Variants in VAV2 observed in about 807,000 individuals in gnomAD.
The protein encoded by VAV2 is guanine nucleotide exchange factor VAV2.
A neutral mutation model predicts 132.5 loss-of-function variants in VAV2; 67 were observed. The ratio of observed to expected loss-of-function variants is 0.51; its 90% CI spans 0.42 to 0.62. VAV2 has a LOEUF of 0.62. VAV2 is among the 20% of genes least tolerant of loss of function. VAV2 has a pLI of 0.00. For missense variants in VAV2, 938 were observed against 1,153.6 expected (o/e 0.81, Z 2.71); for synonymous variants, 492 against 443.5 (o/e 1.11, Z -1.37).
intron 2 of VAV2, among the ~76,000 whole-genome samples, chr9:133,931,598 A>G (rs772836857): frequency 3.3e-5 from 5 of 152,196 alleles, no homozygotes; most frequent in Non-Finnish European, 5.9e-5. Context: ...GCACACTGTC[A>G]ATGGCAACTA....
rs373969403 is a variant in VAV2 at position 133,763,390 on chromosome 9, G to A, written c.*672C>T. 3.3e-5 allele frequency: 5 copies of A among 152,270 alleles called. 1 individual carries two copies. The highest frequency in any genetic ancestry group is 1.2e-4 in the African/African-American group (5 of 41,418). The allele number at this position is 152,270 out of a possible 1,614,324, so 9.4% of individuals were successfully genotyped here. ...ATCATTCCAAAGGCCCCTCCCAAGA[G>A]AGGGGCCTGCCGTGTGGGGTCCGGG... On this transcript the variant is annotated 3_prime_UTR_variant, in exon 30 of 30. Transcript: ENST00000371850. The surrounding 1 kb of genome is among the most constrained non-coding windows in gnomAD (Gnocchi z 6.8).
chr9:133,979,819 G>A (rs1277291745), intron 1 of VAV2, among the ~76,000 whole-genome samples: 1 of 152,218 alleles, frequency 6.6e-6, no homozygotes, highest in East Asian at 1.9e-4. Flanking sequence ...GGAAGGCGGC[G>A]CCAGCTGCGC....
chr9:133,914,754 GAGGAGA>G (rs1840005840), intron 2 of VAV2, among the ~76,000 whole-genome samples: 4 of 101,338 alleles, frequency 3.9e-5, no homozygotes, highest in South Asian at 4.9e-4. Flanking sequence ...GGGGAGGGGA[GAGGAGA>G]GGAGGGGAGG....
intron 5 of VAV2, among the ~76,000 whole-genome samples, chr9:133,810,645 G>T (rs913840839): frequency 6.6e-6 from 1 of 152,358 alleles, no homozygotes; most frequent in Admixed American, 6.5e-5. Flanking sequence ...TGAGGACACT[G>T]TGCAGAGCGG....
chr9:133,855,093 G>C (rs1837334193), intron 3 of VAV2, among the ~76,000 whole-genome samples: 1 of 152,236 alleles, frequency 6.6e-6, no homozygotes, highest in Admixed American at 6.5e-5. Context: ...AGAGTGGAGA[G>C]AGCAGGGGAT....
intron 1 of VAV2, among the ~76,000 whole-genome samples, chr9:133,953,713 C>G (rs891517255): frequency 6.6e-6 from 1 of 152,126 alleles, no homozygotes. Context: ...GGTGGGGCAC[C>G]TTTCCGGCAG....
intron 2 of VAV2, among the ~76,000 whole-genome samples, chr9:133,905,055 C>A (rs1839591208): frequency 6.6e-6 from 1 of 152,146 alleles, no homozygotes; most frequent in African/African-American, 2.4e-5. Context: ...AGGCTTCTCC[C>A]AGGGCGGGGG....
chr9:133,786,675 C>T (rs1172627436), intron 16 of VAV2, among the ~76,000 whole-genome samples: 3 of 152,244 alleles, frequency 2.0e-5, no homozygotes, highest in Non-Finnish European at 2.9e-5. Context: ...AAGCCATCCC[C>T]GACTGAGCAA....
At chr9:133,859,915 T>G (rs1162274635) in intron 3 of VAV2, among the ~76,000 whole-genome samples, 1 of 152,222 alleles carries the variant, frequency 6.6e-6, no homozygotes, top group South Asian at 2.1e-4. Context: ...TAGAAAGTAC[T>G]CAGGGTGCTG....
At position 133,784,300 on chromosome 9, in the gene VAV2, C is replaced by T; in HGVS notation, c.1634+17G>A. 6.2e-7 allele frequency: 1 copy of T among 1,612,668 alleles called. No individual in the cohort carries two copies. The highest frequency in any genetic ancestry group is 8.5e-7 in the Non-Finnish European group (1 of 1,178,636). Reference sequence around the variant, plus strand: ...GCGTGGAGCGAGGTGAGGGCTGTAGCAGGGGGTTTCCCACACCTGAGGAAC... The same window carrying T: ...GCGTGGAGCGAGGTGAGGGCTGTAGTAGGGGGTTTCCCACACCTGAGGAAC... On this transcript the variant is annotated intron_variant, in intron 18 of 29. Transcript: ENST00000371850.
rs1836015155 is a variant in VAV2 at position 133,826,987 on chromosome 9, T to G, written c.449+7285A>C. Among the ~76,000 whole-genome samples the G allele has an allele frequency of 6.6e-6, 1 of 152,128 alleles. No homozygotes were observed. The highest frequency in any genetic ancestry group is 1.5e-5 in the Non-Finnish European group (1 of 67,998). On this transcript the variant is annotated intron_variant, in intron 4 of 29. Transcript: ENST00000371850. This position sits in a 1 kb window ranked among gnomAD's most constrained non-coding sequence, Gnocchi z 4.2. ...TTCCAAATCCTCCTCCATCAAGGCC[T>G]GGAAGCATTCCCAGGGCCCCCCACA...
At chr9:133,923,039 A>T (rs1385074555) in intron 2 of VAV2, among the ~76,000 whole-genome samples, 1 of 152,260 alleles carries the variant, frequency 6.6e-6, no homozygotes, top group Non-Finnish European at 1.5e-5. Context: ...AAAAGACTTG[A>T]ATAGATATTC....
At chr9:133,973,244 C>T (rs1842398908) in intron 1 of VAV2, among the ~76,000 whole-genome samples, 1 of 152,194 alleles carries the variant, frequency 6.6e-6, no homozygotes, top group African/African-American at 2.4e-5. Flanking sequence ...GCCCAGCGCT[C>T]AGCCCGCCCA....
chr9:133,797,507 G>C (rs1311249642), intron 10 of VAV2, among the ~76,000 whole-genome samples: 1 of 152,152 alleles, frequency 6.6e-6, no homozygotes, highest in African/African-American at 2.4e-5. Flanking sequence ...CTGTGTCCTG[G>C]CCTGGGATGG....
intron 2 of VAV2, among the ~76,000 whole-genome samples, chr9:133,889,285 G>T (rs1381074691): frequency 1.3e-5 from 2 of 152,204 alleles, no homozygotes; most frequent in African/African-American, 4.8e-5. Flanking sequence ...GAAGGGTGGG[G>T]GCTCACGGGC....
Position 133,788,290 on chromosome 9 carries a change from C to A in VAV2, c.1407+64G>T, listed in dbSNP as rs1256312968. On this transcript the variant is annotated intron_variant, in intron 15 of 29. Coordinates refer to ENST00000371850, the MANE Select transcript of VAV2 (RefSeq NM_001134398.2). The surrounding 1 kb of genome is among the most constrained non-coding windows in gnomAD (Gnocchi z 5.3). The stretch of plus-strand genomic sequence containing the variant: ...GTCCCCTTCCCCTGGGGTCTGGAAC[C>A]CAGTGCCTCTCTCCAGGCCACCCCC... 1.3e-6 allele frequency: 2 copies of A among 1,565,824 alleles called. No individual in the cohort carries two copies. Among genetic ancestry groups the A allele is most frequent in the Non-Finnish European group, 8.7e-7 (1 of 1,144,282 alleles).
At chr9:133,806,006 C>T in intron 9 of VAV2, 75 bp downstream of exon 9, 2 of 1,486,626 alleles carry the variant, frequency 1.3e-6, no homozygotes, top group South Asian at 1.2e-5. Context: ...CCCACTTACA[C>T]AAGAGTTCCA....
intron 25 of VAV2, among the ~76,000 whole-genome samples, 156 bp downstream of exon 25, chr9:133,774,779 C>T (rs1403682709): frequency 6.6e-6 from 1 of 152,152 alleles, no homozygotes; most frequent in African/African-American, 2.4e-5. Flanking sequence ...ACCCCCTGAC[C>T]CCTCAGCACC....
chr9:133,980,773 A>G (rs763194579), intron 1 of VAV2, among the ~76,000 whole-genome samples: 1 of 152,156 alleles, frequency 6.6e-6, no homozygotes, highest in Non-Finnish European at 1.5e-5. Flanking sequence ...CTCTGCCCCA[A>G]CTGCTGCTGG....
Sources: allele counts gnomAD v4.1 joint callset (sites outside exome capture counted in the v4.1 genomes callset), GRCh38; gene constraint gnomAD v4.1.1; non-coding constraint Gnocchi (gnomAD v3.1); transcripts MANE v1.5; gene names NCBI Gene and HGNC (gene_info 2026-07-23, HGNC 2026-07-21).